The following KDM2B variants were observed in gnomAD, a reference collection of about 807,000 sequenced individuals.
KDM2B encodes the protein lysine-specific demethylase 2B.
In KDM2B, 26 loss-of-function variants were observed where a neutral mutation model predicts 150.0. The ratio of observed to expected loss-of-function variants is 0.17; its 90% CI spans 0.13 to 0.24. KDM2B has a LOEUF of 0.24. Ranked by LOEUF, KDM2B falls within the 10% of genes least tolerant of loss-of-function variation. The pLI, the probability that KDM2B is intolerant of heterozygous loss-of-function variation, is 1.00. For synonymous variants in KDM2B, 734 were observed against 729.5 expected (o/e 1.01, Z -0.10); for missense variants, 1,265 against 1,816.9 (o/e 0.70, Z 5.52).
chr12:121,533,092 C>G lies in KDM2B; in HGVS notation c.778-133G>C. The G allele has an allele frequency of 1.2e-6, 1 of 831,720 alleles. No homozygotes were observed. Among genetic ancestry groups the G allele is most frequent in the Non-Finnish European group, 1.9e-6 (1 of 528,864 alleles). The allele number at this position is 831,720 out of a possible 1,614,324, so 51.5% of individuals were successfully genotyped here. ...TGGGGTGGGGGGTGTGGAGAGATGG[C>G]AGATCCATCCCTCTGGACTCTCTGC... is the stretch of plus-strand genomic sequence containing the variant. On this transcript the variant is annotated intron_variant, in intron 7 of 22. Coordinates refer to ENST00000377071, the MANE Select transcript of KDM2B (RefSeq NM_032590.5). The surrounding 1 kb of genome is among the most constrained non-coding windows in gnomAD (Gnocchi z 4.1).
intron 4 of KDM2B, among the ~76,000 whole-genome samples, chr12:121,562,729 T>G (rs1014281309): frequency 2.0e-5 from 3 of 151,468 alleles, no homozygotes; most frequent in Admixed American, 1.3e-4. Flanking sequence ...AGAGATAACA[T>G]GGGCTTTGAA....
chr12:121,560,566 G>A (rs1890261050), intron 4 of KDM2B, among the ~76,000 whole-genome samples: 1 of 152,002 alleles, frequency 6.6e-6, no homozygotes, highest in Non-Finnish European at 1.5e-5. Context: ...TCCTTTCCCA[G>A]GGGCGAGGCA....
chr12:121,523,521 G>A (rs950136325), intron 8 of KDM2B, among the ~76,000 whole-genome samples: 5 of 152,208 alleles, frequency 3.3e-5, no homozygotes, highest in Admixed American at 6.5e-5. Flanking sequence ...AAGCCCGAGC[G>A]GTTCCAGTCT....
rs141473791 is a variant in KDM2B at position 121,563,056 on chromosome 12, G to T, written c.397+11491C>A. 8.5e-4 allele frequency among the ~76,000 whole-genome samples: 130 copies of T among 152,242 alleles called. 1 individual carries two copies. Among genetic ancestry groups the T allele is most frequent in the African/African-American group, 3.0e-3 (123 of 41,550 alleles). On this transcript the variant is annotated intron_variant, in intron 4 of 22. Transcript: ENST00000377071. Reference sequence around the variant, plus strand: ...TGTGGGCCCTGGTGCAATGGCTCTCGCCTGTAATCCCAGCTACTTGGAAGG... The same window carrying T: ...TGTGGGCCCTGGTGCAATGGCTCTCTCCTGTAATCCCAGCTACTTGGAAGG...
intron 6 of KDM2B, among the ~76,000 whole-genome samples, chr12:121,541,013 A>G (rs1335016868): frequency 2.6e-5 from 4 of 152,008 alleles, no homozygotes; most frequent in African/African-American, 9.7e-5. Flanking sequence ...CGGGTGGATC[A>G]CCTGAGGTTG....
chr12:121,558,023 C>T (rs1566415982), intron 4 of KDM2B, among the ~76,000 whole-genome samples: 1 of 152,180 alleles, frequency 6.6e-6, no homozygotes, highest in Admixed American at 6.6e-5. Context: ...AGGTGTCACC[C>T]ACTGATGACC....
intron 11 of KDM2B, among the ~76,000 whole-genome samples, chr12:121,500,234 A>G (rs1884405577): frequency 6.6e-6 from 1 of 151,346 alleles, no homozygotes; most frequent in South Asian, 2.1e-4. Flanking sequence ...GAATTTATAC[A>G]CTCCCTGGGG....
intron 4 of KDM2B, among the ~76,000 whole-genome samples, chr12:121,557,707 G>A (rs373819866): frequency 2.0e-5 from 3 of 152,250 alleles, no homozygotes; most frequent in African/African-American, 7.2e-5. Context: ...ACTTCAGGGG[G>A]AAATGTAGCC....
Position 121,444,277 on chromosome 12 carries a change from T to A in KDM2B, c.2191-5A>T, listed in dbSNP as rs782037609. ...AAAGCCAGGGCCACGCTTTTGCTTG[T>A]AGGCCAAAAAGAGAGAATGAACAGA... On this transcript the variant is annotated splice_polypyrimidine_tract_variant and splice_region_variant and intron_variant, in intron 15 of 22. Transcript: ENST00000377071. 40 of 1,613,374 alleles carry A rather than the reference T, an allele frequency of 2.5e-5. No individual in the cohort carries two copies. Among genetic ancestry groups the A allele is most frequent in the Non-Finnish European group, 3.3e-5 (39 of 1,179,776 alleles).
At chr12:121,484,644 C>T (rs145915531) in intron 12 of KDM2B, among the ~76,000 whole-genome samples, 5 of 151,890 alleles carry the variant, frequency 3.3e-5, no homozygotes, top group Non-Finnish European at 7.4e-5. Context: ...AGAGTAAGAC[C>T]CCATCTCTAC....
the KDM2B span, chr12:121,416,649 G>A: frequency 1.9e-4 from 54 of 290,206 alleles, 1 homozygote; most frequent in African/African-American, 1.2e-3. Flanking sequence ...ATTTCCAAAA[G>A]CAAGAAATTT....
At chr12:121,544,976 G>A (rs1555310468) in intron 6 of KDM2B, among the ~76,000 whole-genome samples, 23 of 151,420 alleles carry the variant, frequency 1.5e-4, no homozygotes, top group Non-Finnish European at 1.0e-4. Flanking sequence ...CCTGGAGCCG[G>A]GTGGGGGAAG....
At chr12:121,427,422 G>A (rs1177359960), downstream of KDM2B, among the ~76,000 whole-genome samples, 1 of 152,172 alleles carries the variant, frequency 6.6e-6, no homozygotes, top group Non-Finnish European at 1.5e-5. Flanking sequence ...GGCACCTGTA[G>A]TCCCAACTAC....
rs1479713237 is a variant in KDM2B, at chr12:121,575,726, TA to T, written c.350+54del. The T allele has an allele frequency of 4.9e-5, 60 of 1,235,156 alleles. 1 individual carries two copies. Among genetic ancestry groups the T allele is most frequent in the Non-Finnish European group, 6.2e-5 (52 of 834,534 alleles). The allele number at this position is 1,235,156 out of a possible 1,614,324, so 76.5% of individuals were successfully genotyped here. On this transcript the variant is annotated intron_variant, in intron 3 of 22. Transcript: ENST00000377071. The surrounding 1 kb of genome is among the most constrained non-coding windows in gnomAD (Gnocchi z 4.4). Reference sequence around the variant, plus strand: ...GGTGGAAGAAATCCATCCCAAGCTATAAAGTATGTTAGGGAGGAAGACGGGG... The same window carrying T: ...GGTGGAAGAAATCCATCCCAAGCTATAAGTATGTTAGGGAGGAAGACGGGG...
At chr12:121,557,147 T>G (rs1889958297) in intron 4 of KDM2B, among the ~76,000 whole-genome samples, 1 of 151,758 alleles carries the variant, frequency 6.6e-6, no homozygotes, top group South Asian at 2.1e-4. Context: ...CAGTCCCTAA[T>G]ATCTGTGATA....
intron 9 of KDM2B, among the ~76,000 whole-genome samples, chr12:121,517,152 G>A (rs1051889558): frequency 6.6e-6 from 1 of 152,068 alleles, no homozygotes; most frequent in Non-Finnish European, 1.5e-5. Flanking sequence ...AGTGATGATC[G>A]AGATGTTGTC....
intron 8 of KDM2B, among the ~76,000 whole-genome samples, chr12:121,525,313 C>CTGGA (rs1255899343): frequency 6.6e-6 from 1 of 152,200 alleles, no homozygotes; most frequent in Non-Finnish European, 1.5e-5. Context: ...GTCACCCAGG[C>CTGGA]TGGAGTGCAG....
the KDM2B span, among the ~76,000 whole-genome samples, chr12:121,410,547 A>G: frequency 3.2e-5 from 1 of 31,360 alleles, no homozygotes; most frequent in Non-Finnish European, 5.9e-5. Context: ...AAAACCACCA[A>G]AAAAAAAAAA....
rs563075490 is a variant in KDM2B at position 121,535,465 on chromosome 12, T to G, written c.684-875A>C. Among the ~76,000 whole-genome samples the G allele has an allele frequency of 2.0e-5, 3 of 152,276 alleles. No homozygotes were observed. The South Asian group carries it at 6.2e-4, about 32-fold the overall frequency. ...GGTACAGGGTTTCATTCTGGGGTGA[T>G]GAAAATGTTCTAAAATTAACTGTGG... On this transcript the variant is annotated intron_variant, in intron 6 of 22. Coordinates refer to ENST00000377071, the MANE Select transcript of KDM2B (RefSeq NM_032590.5).
Sources: allele counts gnomAD v4.1 joint callset (sites outside exome capture counted in the v4.1 genomes callset), GRCh38; gene constraint gnomAD v4.1.1; non-coding constraint Gnocchi (gnomAD v3.1); transcripts MANE v1.5; gene names NCBI Gene and HGNC (gene_info 2026-07-23, HGNC 2026-07-21).